TPRG1: variants seen among roughly 807,000 people sequenced by gnomAD.
TPRG1 encodes the protein tumor protein p63-regulated gene 1 protein.
TPRG1 carries 29 observed loss-of-function variants against 29.3 expected under a neutral mutation model. The ratio of observed to expected loss-of-function variants is 0.99; its 90% confidence interval spans 0.74 to 1.35. TPRG1 has a LOEUF of 1.35. TPRG1 is among the 40% of genes most tolerant of loss of function. TPRG1 has a pLI of 0.00. For synonymous variants in TPRG1, 130 were observed against 116.8 expected (o/e 1.11, Z -0.73); for missense variants, 327 against 335.0 (o/e 0.98, Z 0.19).
At chr3:189,130,112 T>C (rs1324377231) in intron 2 of TPRG1, among the ~76,000 whole-genome samples, 1 of 152,224 alleles carries the variant, frequency 6.6e-6, no homozygotes, top group Non-Finnish European at 1.5e-5. Flanking sequence ...CTCTGAGTAA[T>C]ATAGAATATC....
At chr3:189,002,770 G>A (rs547462873) in intron 2 of TPRG1, among the ~76,000 whole-genome samples, 2 of 152,278 alleles carry the variant, frequency 1.3e-5, no homozygotes, top group African/African-American at 4.8e-5. Flanking sequence ...TAGAGGACTT[G>A]TGGACATTAG....
At chr3:189,180,177 C>A (rs1353955169) in intron 1 of TPRG1, among the ~76,000 whole-genome samples, 3 of 152,120 alleles carry the variant, frequency 2.0e-5, no homozygotes, top group African/African-American at 7.2e-5. Flanking sequence ...CCCACTGGGT[C>A]CTCCCATAGC....
chr3:189,021,990 C>T (rs2152124915), intron 3 of TPRG1, among the ~76,000 whole-genome samples: 1 of 152,218 alleles, frequency 6.6e-6, no homozygotes, highest in African/African-American at 2.4e-5. Context: ...TTTCATCTTC[C>T]ATTACTGATA....
chr3:189,187,525 G>T (rs569877185), intron 1 of TPRG1, among the ~76,000 whole-genome samples: 1 of 149,360 alleles, frequency 6.7e-6, no homozygotes, highest in African/African-American at 2.5e-5. Context: ...CACCATATTG[G>T]TCAGGCTGGT....
At chr3:189,113,255 A>G (rs1268217852) in intron 1 of TPRG1, among the ~76,000 whole-genome samples, 1 of 152,212 alleles carries the variant, frequency 6.6e-6, no homozygotes, top group Non-Finnish European at 1.5e-5. Flanking sequence ...GAAGCTGCTT[A>G]TCAGCTTAAG....
intron 4 of TPRG1, among the ~76,000 whole-genome samples, chr3:189,074,057 G>A (rs1716968090): frequency 6.6e-6 from 1 of 152,088 alleles, no homozygotes; most frequent in African/African-American, 2.4e-5. Context: ...ACGGTTGTTA[G>A]TTGTAGAATT....
At chr3:189,312,152 T>C (rs1248808083) in intron 5 of TPRG1, among the ~76,000 whole-genome samples, 37 of 55,044 alleles carry the variant, frequency 6.7e-4, no homozygotes, top group African/African-American at 2.4e-3. Context: ...TTTCTTTCTT[T>C]CTTTCTTTCT....
upstream of TPRG1, among the ~76,000 whole-genome samples, chr3:189,095,923 T>C (rs1054224590): frequency 2.6e-5 from 4 of 152,182 alleles, no homozygotes; most frequent in Admixed American, 2.0e-4. Context: ...GGGAGTTTGG[T>C]CAGGGCCCAG....
intron 4 of TPRG1, among the ~76,000 whole-genome samples, chr3:189,033,566 A>C (rs919039650): frequency 2.0e-5 from 3 of 150,508 alleles, no homozygotes; most frequent in Non-Finnish European, 3.0e-5. Context: ...GAGCCACTGC[A>C]CTTAGCCTAC....
chr3:189,199,086 G>A (rs2108770418), intron 1 of TPRG1, among the ~76,000 whole-genome samples: 1 of 152,284 alleles, frequency 6.6e-6, no homozygotes, highest in Middle Eastern at 3.4e-3. Flanking sequence ...GAGATGCCCA[G>A]CTCTCCACTC....
chr3:189,313,149 A>AT (rs1311920304), intron 5 of TPRG1: 1 of 152,140 alleles, frequency 6.6e-6, no homozygotes, highest in Admixed American at 6.6e-5. Context: ...AGGAAAACAA[A>AT]TGATCTCCAT....
chr3:189,175,097 A>C (rs1179969198), intron 1 of TPRG1, among the ~76,000 whole-genome samples: 1 of 152,176 alleles, frequency 6.6e-6, no homozygotes, highest in Non-Finnish European at 1.5e-5. Flanking sequence ...AAAGGGGCTT[A>C]CCATCTAGTA....
intron 4 of TPRG1, among the ~76,000 whole-genome samples, chr3:189,091,789 T>C (rs1011492940): frequency 6.6e-6 from 1 of 152,190 alleles, no homozygotes; most frequent in African/African-American, 2.4e-5. Context: ...TCTACTTCAT[T>C]TACTCATCAC....
rs1481827022 is a variant in TPRG1 at position 189,045,024 on chromosome 3, A to C, written c.-463+21078A>C. On this transcript the variant is annotated intron_variant, in intron 4 of 10. Transcript: ENST00000433971. ...TCATTAATATTCTTGGAAAATCACC[A>C]AATAAAACTGCTACCCCAGAAGATC... 9.2e-5 allele frequency among the ~76,000 whole-genome samples: 14 copies of C among 152,328 alleles called. No homozygotes were observed. The East Asian group carries it at 2.7e-3, about 29-fold the overall frequency.
At chr3:189,300,791 T>A (rs1286990636) in intron 4 of TPRG1, among the ~76,000 whole-genome samples, 1 of 152,220 alleles carries the variant, frequency 6.6e-6, no homozygotes, top group African/African-American at 2.4e-5. Flanking sequence ...GTCCCCTTTG[T>A]TAACCAGCCC....
chr3:189,022,998 C>A (rs1473401166), intron 3 of TPRG1, among the ~76,000 whole-genome samples: 1 of 144,008 alleles, frequency 6.9e-6, no homozygotes, highest in Non-Finnish European at 1.5e-5. Flanking sequence ...TTCCAGGTGC[C>A]GTCCGTCACC....
intron 1 of TPRG1, among the ~76,000 whole-genome samples, chr3:189,100,560 T>C (rs115768818): frequency 0.01 from 1,547 of 152,308 alleles, 26 homozygotes; most frequent in African/African-American, 0.034. Context: ...GCACAGTGTG[T>C]CTTCCATTGC....
intron 4 of TPRG1, among the ~76,000 whole-genome samples, chr3:189,280,333 C>T (rs979890103): frequency 9.6e-6 from 1 of 104,478 alleles, no homozygotes; most frequent in Non-Finnish European, 1.9e-5. Context: ...GAATGGAAGA[C>T]ATTTTAGATG....
At chr3:189,218,072 G>A (rs1004539174) in intron 3 of TPRG1, 1 of 975,578 alleles carries the variant, frequency 1.0e-6, no homozygotes. Context: ...TATAGGAGCT[G>A]TAATATGGAC....
Sources: allele counts gnomAD v4.1 joint callset (sites outside exome capture counted in the v4.1 genomes callset), GRCh38; gene constraint gnomAD v4.1.1; transcripts MANE v1.5; gene names NCBI Gene and HGNC (gene_info 2026-07-23, HGNC 2026-07-21).